Variants in C5orf46 observed in about 807,000 individuals in gnomAD.
C5orf46 encodes the protein uncharacterized protein C5orf46.
Under a neutral mutation model 8.9 loss-of-function variants are expected in C5orf46, and 9 were observed. The observed-to-expected ratio is 1.01, with a 90% CI of 0.61 to 1.76. The LOEUF (loss-of-function observed/expected upper bound fraction) is 1.76, where lower values mean the gene tolerates loss of function less well. C5orf46 is among the 40% of genes most tolerant of loss of function. The pLI is 0.00. For missense variants in C5orf46, 98 were observed against 107.8 expected, an observed-to-expected ratio of 0.91 and a Z score of 0.40; for synonymous variants, 47 against 41.4, an observed-to-expected ratio of 1.14 and a Z score of -0.52.
intron 2 of C5orf46, among the ~76,000 whole-genome samples, chr5:147,899,064 G>A (rs2127128975): frequency 6.6e-6 from 1 of 152,082 alleles, no homozygotes; most frequent in Non-Finnish European, 1.5e-5. Context: ...GTCATTCAAG[G>A]CCCAAATTAC....
At chr5:147,898,249 A>T (rs925789564) in intron 2 of C5orf46, among the ~76,000 whole-genome samples, 9 of 152,166 alleles carry the variant, frequency 5.9e-5, no homozygotes, top group Admixed American at 2.0e-4. Context: ...TTGACCAACT[A>T]GTCAGTGGAG....
Position 147,897,029 on chromosome 5 carries a change from T to C in C5orf46, c.228A>G (p.Glu76=), listed in dbSNP as rs1404013674. 6.7e-7 allele frequency: 1 copy of C among 1,492,606 alleles called. No homozygotes were observed. The highest frequency in any genetic ancestry group is 1.7e-4 in the Middle Eastern group (1 of 5,760). The allele number at this position is 1,492,606 out of a possible 1,614,324, so 92.5% of individuals were successfully genotyped here. The change falls in exon 3 of 4, where the codon GAA becomes GAG. Residue 76 remains glutamate, a synonymous_variant. Transcript: ENST00000318315. ...AATGTTTTCCTTCATTATCATCAAA[T>C]TCCATAAATCCTCTTGAGAAAAAAA... ...RSMSRSTGFM[E]FDDNEGKHSS...
At chr5:147,888,421 T>C (rs954684377), downstream of C5orf46, among the ~76,000 whole-genome samples, 1 of 152,168 alleles carries the variant, frequency 6.6e-6, no homozygotes, top group African/African-American at 2.4e-5. Context: ...CCATAACCTA[T>C]GAGGTCCTGT....
At chr5:147,903,846 C>A (rs746312357) in intron 1 of C5orf46, among the ~76,000 whole-genome samples, 3 of 152,130 alleles carry the variant, frequency 2.0e-5, no homozygotes, top group Non-Finnish European at 2.9e-5. Context: ...GTCCTGGGCT[C>A]AAGACATCCT....
chr5:147,902,235 T>C (rs1410848493), intron 1 of C5orf46, among the ~76,000 whole-genome samples: 5 of 152,124 alleles, frequency 3.3e-5, no homozygotes, highest in Non-Finnish European at 5.9e-5. Flanking sequence ...GAGAATTGCT[T>C]GAGGCCAGAA....
chr5:147,886,474 G>C (rs976509916), intron 2 of C5orf46: 1 of 150,546 alleles, frequency 6.6e-6, no homozygotes, highest in African/African-American at 2.4e-5. Flanking sequence ...ATAATCATAT[G>C]GAATATAATT....
At chr5:147,897,920 C>T (rs1757608583) in intron 2 of C5orf46, among the ~76,000 whole-genome samples, 1 of 152,048 alleles carries the variant, frequency 6.6e-6, no homozygotes, top group African/African-American at 2.4e-5. Context: ...ACTCATTAGT[C>T]ATTGGGGCTT....
chr5:147,901,543 C>G, intron 2 of C5orf46, 86 bp downstream of exon 2: 1 of 1,242,898 alleles, frequency 8.0e-7, no homozygotes, highest in Non-Finnish European at 1.1e-6. Context: ...AATTTTGTTT[C>G]TCATGTATTT....
At position 147,886,943 on chromosome 5, in the gene C5orf46, G is replaced by T. The variant is rs146216253; in HGVS notation, n.205-5849C>A. The T allele has an allele frequency of 3.2e-3, 488 of 152,190 alleles. 3 individuals are homozygous for T. Among genetic ancestry groups the T allele is most frequent in the African/African-American group, 0.011 (448 of 41,552 alleles). The allele number at this position is 152,190 out of a possible 1,614,324, so 9.4% of individuals were successfully genotyped here. On this transcript the variant is annotated intron_variant and non_coding_transcript_variant, in intron 2 of 2. Transcript: ENST00000510432. ...TGGGGAAGAACAGTTGGTATCTCAG[G>T]TGACTGAGGTCGGAGAAGTGCCATT...
chr5:147,889,348 A>G (rs1052500666), downstream of C5orf46, among the ~76,000 whole-genome samples: 2 of 152,146 alleles, frequency 1.3e-5, no homozygotes, highest in African/African-American at 4.8e-5. Context: ...CAACAGCAAC[A>G]ATATTGGTTG....
At chr5:147,886,485 A>C (rs945723450) in intron 2 of C5orf46, 1 of 151,170 alleles carries the variant, frequency 6.6e-6, no homozygotes, top group Non-Finnish European at 1.5e-5. Flanking sequence ...GAATATAATT[A>C]ACATGTTATA....
chr5:147,899,632 T>C (rs998911415), intron 2 of C5orf46, among the ~76,000 whole-genome samples: 6 of 152,184 alleles, frequency 3.9e-5, no homozygotes, highest in African/African-American at 1.4e-4. Flanking sequence ...AGCTACTTGA[T>C]TAAAAATAAA....
chr5:147,893,657 C>T (rs1757536710), intron 3 of C5orf46, among the ~76,000 whole-genome samples: 1 of 152,152 alleles, frequency 6.6e-6, no homozygotes, highest in South Asian at 2.1e-4. Context: ...ATTCTCCTGC[C>T]TCAGCCTCAT....
intron 2 of C5orf46, among the ~76,000 whole-genome samples, chr5:147,897,769 A>T (rs1048841376): frequency 6.6e-6 from 1 of 152,162 alleles, no homozygotes; most frequent in Non-Finnish European, 1.5e-5. Context: ...TTTGTTTTTG[A>T]ATTGGGCTTT....
intron 2 of C5orf46, chr5:147,886,693 AT>A (rs1335026404): frequency 6.6e-6 from 1 of 151,180 alleles, no homozygotes; most frequent in African/African-American, 2.4e-5. Context: ...CATATGCCTT[AT>A]TTAAATTGTT....
At chr5:147,896,196 G>C (rs1376421037) in intron 3 of C5orf46, among the ~76,000 whole-genome samples, 3 of 152,170 alleles carry the variant, frequency 2.0e-5, no homozygotes, top group Non-Finnish European at 2.9e-5. Flanking sequence ...ATGGCTTAGA[G>C]ATACAGCACA....
downstream of C5orf46, among the ~76,000 whole-genome samples, chr5:147,887,856 T>A (rs115612160): frequency 6.6e-6 from 1 of 152,142 alleles, no homozygotes; most frequent in Non-Finnish European, 1.5e-5. Flanking sequence ...AGGTACTAAG[T>A]GCATGAATAT....
At chr5:147,898,404 T>G (rs113313531) in intron 2 of C5orf46, among the ~76,000 whole-genome samples, 101 of 152,188 alleles carry the variant, frequency 6.6e-4, no homozygotes, top group African/African-American at 2.3e-3. Flanking sequence ...GGGTGGATGA[T>G]GATGTGACTT....
In C5orf46 at chr5:147,900,272, G is replaced by A. The variant is rs192987304; in HGVS notation, c.215+1357C>T. ...GTAACAATTAAAAAAAAGCACCTGT[G>A]AGTTTTAACAATTTGTGGAGAAGGA... On this transcript the variant is annotated intron_variant, in intron 2 of 3. Coordinates refer to ENST00000318315, the MANE Select transcript of C5orf46 (RefSeq NM_206966.3). Among the ~76,000 whole-genome samples, 440 of 152,212 alleles carry A rather than the reference G, an allele frequency of 2.9e-3. 1 individual carries two copies. The highest frequency in any genetic ancestry group is 5.0e-3 in the Non-Finnish European group (343 of 68,014).
Sources: allele counts gnomAD v4.1 joint callset (sites outside exome capture counted in the v4.1 genomes callset), GRCh38; gene constraint gnomAD v4.1.1; transcripts MANE v1.5; gene names NCBI Gene and HGNC (gene_info 2026-07-23, HGNC 2026-07-21).